Variants in RAB8B observed in about 807,000 individuals in gnomAD.
RAB8B encodes RAB8B, member RAS oncogene family, also known as ras-related protein Rab-8B.
RAB8B carries 11 observed loss-of-function variants against 32.0 expected under a neutral mutation model. The observed-to-expected ratio is 0.34, with a 90% CI of 0.22 to 0.57. The LOEUF (loss-of-function observed/expected upper bound fraction) is 0.57, where lower values mean the gene tolerates loss of function less well. RAB8B is among the 20% of genes least tolerant of loss of function. The pLI, the probability that RAB8B is intolerant of heterozygous loss-of-function variation, is 0.86. For synonymous variants in RAB8B, 103 were observed against 89.6 expected (o/e 1.15, Z -0.85); for missense variants, 190 against 258.5 (o/e 0.73, Z 1.82).
intron 4 of RAB8B, 141 bp downstream of exon 4, chr15:63,255,725 A>T: frequency 1.6e-6 from 1 of 627,022 alleles, no homozygotes; most frequent in Non-Finnish European, 2.8e-6. Flanking sequence ...AGAGCTCCAT[A>T]AATCTCTGGT....
chr15:63,210,424 C>T lies in RAB8B; in HGVS notation c.124+20676C>T, dbSNP rs565006181. Among the ~76,000 whole-genome samples, 23 of 152,310 alleles carry T rather than the reference C, an allele frequency of 1.5e-4. No homozygotes were observed. The East Asian group carries it at 3.5e-3, about 23-fold the overall frequency. ...TCTTTTTTCTTCCTGCTTTGTCTAC[C>T]TCTACTCTCTCCCCTAAAATCTTTT... On this transcript the variant is annotated intron_variant, in intron 1 of 7. Transcript: ENST00000321437.
Position 63,265,229 on chromosome 15 carries a change from A to G in RAB8B, c.*1610A>G, listed in dbSNP as rs1219468886. ...TTGTTACCACAGAGAATTCTCTTCA[A>G]ATTAAGATATGTCATTAGAATGCTT... On this transcript the variant is annotated 3_prime_UTR_variant, in exon 8 of 8. Coordinates refer to ENST00000321437, the MANE Select transcript of RAB8B (RefSeq NM_016530.3). The surrounding 1 kb of genome is among the most constrained non-coding windows in gnomAD (Gnocchi z 4.9). 5 of 152,344 alleles carry G rather than the reference A, an allele frequency of 3.3e-5. No individual in the cohort carries two copies. The highest frequency in any genetic ancestry group is 5.9e-5 in the Non-Finnish European group (4 of 68,024). The allele number at this position is 152,344 out of a possible 1,614,324, so 9.4% of individuals were successfully genotyped here.
At chr15:63,255,347 G>A (rs974120884) in intron 3 of RAB8B, among the ~76,000 whole-genome samples, 160 bp from the exon 4 acceptor site, 1 of 152,076 alleles carries the variant, frequency 6.6e-6, no homozygotes, top group Non-Finnish European at 1.5e-5. Flanking sequence ...AGTATTTATT[G>A]ATTTTTGTTT....
intron 3 of RAB8B, among the ~76,000 whole-genome samples, chr15:63,253,458 G>A (rs998088083): frequency 6.6e-6 from 1 of 152,144 alleles, no homozygotes; most frequent in Non-Finnish European, 1.5e-5. Flanking sequence ...GGTGCTAAAG[G>A]ATTTTGATCA....
intron 5 of RAB8B, among the ~76,000 whole-genome samples, chr15:63,257,833 G>A (rs922847743): frequency 6.6e-6 from 1 of 151,732 alleles, no homozygotes; most frequent in Admixed American, 6.6e-5. Flanking sequence ...GGCCGAGGTG[G>A]GTGGATCACG....
intron 2 of RAB8B, among the ~76,000 whole-genome samples, chr15:63,246,401 CT>C (rs1489922549): frequency 2.0e-5 from 3 of 151,584 alleles, no homozygotes; most frequent in African/African-American, 7.3e-5. Flanking sequence ...GATGACCCCC[CT>C]CCTCTGATTC....
chr15:63,258,479 G>A (rs1364813210), intron 5 of RAB8B, among the ~76,000 whole-genome samples: 1 of 152,182 alleles, frequency 6.6e-6, no homozygotes, highest in African/African-American at 2.4e-5. Context: ...CCAAGATAAT[G>A]GTAGTTTTAC....
chr15:63,219,003 G>GTTTTTTTT (rs1567012548), intron 1 of RAB8B, among the ~76,000 whole-genome samples: 34 of 48,844 alleles, frequency 7.0e-4, no homozygotes, highest in African/African-American at 1.6e-3. Context: ...TCCAGCAGTG[G>GTTTTTTTT]ATTTTTTTTT....
At chr15:63,229,085 A>G (rs779300227) in intron 1 of RAB8B, among the ~76,000 whole-genome samples, 2 of 152,204 alleles carry the variant, frequency 1.3e-5, no homozygotes, top group Non-Finnish European at 2.9e-5. Flanking sequence ...CGAGATCTCT[A>G]TATAACCTTG....
At chr15:63,217,306 C>T (rs1357020896) in intron 1 of RAB8B, among the ~76,000 whole-genome samples, 1 of 152,146 alleles carries the variant, frequency 6.6e-6, no homozygotes, top group African/African-American at 2.4e-5. Context: ...CAAAAATAAA[C>T]GTCCTTTACA....
At chr15:63,254,077 C>T (rs1346164250) in intron 3 of RAB8B, among the ~76,000 whole-genome samples, 1 of 152,200 alleles carries the variant, frequency 6.6e-6, no homozygotes, top group African/African-American at 2.4e-5. Context: ...ATCTGTGCAG[C>T]CTTGCCAAGC....
Position 63,189,677 on chromosome 15 carries a change from G to C in RAB8B, c.53G>C (p.Gly18Ala). Residue 18 changes from glycine (G) to alanine (A), a missense_variant, in exon 1 of 8, where the codon GGG (glycine) becomes GCG (alanine). Physicochemically the swap from Gly to Ala is moderately conservative, Grantham distance 60. Transcript: ENST00000321437. ...AAGCTCCTGCTGATCGGCGACTCGG[G>C]GGTAGGCAAGACCTGCCTCCTGTTC... ...LFKLLLIGDS[G>A]VGKTCLLFRF... 1.2e-6 allele frequency: 2 copies of C among 1,614,022 alleles called. No individual in the cohort carries two copies. Among genetic ancestry groups the C allele is most frequent in the Non-Finnish European group, 1.7e-6 (2 of 1,179,926 alleles).
At chr15:63,191,872 T>C (rs1290056723) in intron 1 of RAB8B, among the ~76,000 whole-genome samples, 1 of 152,222 alleles carries the variant, frequency 6.6e-6, no homozygotes, top group Non-Finnish European at 1.5e-5. Context: ...CCTTTTAAAA[T>C]AGTAGCTTTT....
intron 6 of RAB8B, among the ~76,000 whole-genome samples, chr15:63,261,921 A>G (rs1320498269): frequency 6.6e-6 from 1 of 152,224 alleles, no homozygotes; most frequent in African/African-American, 2.4e-5. Flanking sequence ...TGGATAAATT[A>G]TCACGAAGAT....
intron 1 of RAB8B, among the ~76,000 whole-genome samples, chr15:63,201,313 T>G (rs975248012): frequency 1.7e-4 from 26 of 152,262 alleles, no homozygotes; most frequent in African/African-American, 5.5e-4. Flanking sequence ...TAGGAGGGAA[T>G]TATATCTCAG....
chr15:63,207,319 G>A (rs2037706834), intron 1 of RAB8B, among the ~76,000 whole-genome samples: 1 of 152,100 alleles, frequency 6.6e-6, no homozygotes, highest in Non-Finnish European at 1.5e-5. Flanking sequence ...AAGCTCCCAC[G>A]TGGTGATGGA....
At chr15:63,224,323 A>G (rs1165127798) in intron 1 of RAB8B, among the ~76,000 whole-genome samples, 1 of 152,230 alleles carries the variant, frequency 6.6e-6, no homozygotes, top group Non-Finnish European at 1.5e-5. Flanking sequence ...TCAAATGGCC[A>G]AGTACATTTG....
chr15:63,196,169 A>G (rs755077584), intron 1 of RAB8B, among the ~76,000 whole-genome samples: 15 of 152,230 alleles, frequency 9.9e-5, no homozygotes, highest in Non-Finnish European at 1.8e-4. Context: ...AAAACAAACA[A>G]AAAACAATGT....
chr15:63,194,160 T>C (rs2141104905), intron 1 of RAB8B, among the ~76,000 whole-genome samples: 1 of 152,320 alleles, frequency 6.6e-6, no homozygotes, highest in East Asian at 1.9e-4. Flanking sequence ...GAAAGAGTCT[T>C]AGATATTATC....
Sources: gnomAD v4.1 joint callset for allele counts (sites outside exome capture counted in the v4.1 genomes callset) on GRCh38, gnomAD v4.1.1 for gene constraint, Gnocchi (gnomAD v3.1) non-coding constraint, MANE v1.5 for transcripts, NCBI Gene and HGNC (gene_info 2026-07-23, HGNC 2026-07-21) for gene names.